TBC1D31: variants seen among roughly 807,000 people sequenced by gnomAD.
TBC1D31 encodes the protein WD repeat domain 67.
TBC1D31 carries 99 observed loss-of-function variants against 132.9 expected under a neutral mutation model. The observed-to-expected ratio is 0.74, with a 90% CI of 0.63 to 0.88. The LOEUF (loss-of-function observed/expected upper bound fraction) is 0.88, where lower values mean the gene tolerates loss of function less well. Ranked by LOEUF, TBC1D31 falls within the 40% of genes least tolerant of loss-of-function variation. The probability of loss-of-function intolerance (pLI) is 0.00; values close to 1 mark genes in which losing one functional copy is unlikely to be tolerated. For synonymous variants in TBC1D31, 385 were observed against 419.4 expected (o/e 0.92, Z 1.00); for missense variants, 1,134 against 1,256.6 (o/e 0.90, Z 1.48).
At chr8:123,099,285 AAT>A (rs2130327753) in intron 6 of TBC1D31, among the ~76,000 whole-genome samples, 1 of 151,876 alleles carries the variant, frequency 6.6e-6, no homozygotes, top group East Asian at 1.9e-4. Flanking sequence ...ACGCCCGGCT[AAT>A]TTTTTGTATT....
At chr8:123,115,128 A>G (rs1028073740) in intron 10 of TBC1D31, among the ~76,000 whole-genome samples, 2 of 152,124 alleles carry the variant, frequency 1.3e-5, no homozygotes, top group African/African-American at 2.4e-5. Flanking sequence ...CAAATCATTC[A>G]TTTTTTCTTT....
chr8:123,089,503 GC>G (rs1816127285), intron 4 of TBC1D31, among the ~76,000 whole-genome samples: 2 of 152,164 alleles, frequency 1.3e-5, no homozygotes, highest in Admixed American at 1.3e-4. Flanking sequence ...GATTGCTTGA[GC>G]CCAGGAGTTT....
chr8:123,153,796 T>A (rs1012148861), downstream of TBC1D31, among the ~76,000 whole-genome samples: 2 of 152,220 alleles, frequency 1.3e-5, no homozygotes, highest in Non-Finnish European at 2.9e-5. Context: ...TCTCCATTAC[T>A]CCCTTGAGTT....
the TBC1D31 span, among the ~76,000 whole-genome samples, chr8:123,162,399 C>A: frequency 2.0e-5 from 3 of 152,040 alleles, no homozygotes; most frequent in Non-Finnish European, 4.4e-5. Flanking sequence ...AGAGTGATTC[C>A]TTTTCCCTTG....
chr8:123,107,766 A>G (rs1009380865), intron 8 of TBC1D31, among the ~76,000 whole-genome samples: 5 of 152,204 alleles, frequency 3.3e-5, no homozygotes, highest in African/African-American at 4.8e-5. Flanking sequence ...GCTGCTTCCA[A>G]GGAAACCATA....
the TBC1D31 span, among the ~76,000 whole-genome samples, chr8:123,160,615 T>C: frequency 6.6e-6 from 1 of 152,112 alleles, no homozygotes; most frequent in African/African-American, 2.4e-5. Context: ...CAGGGGACGC[T>C]GTGCCCAGGG....
intron 19 of TBC1D31, among the ~76,000 whole-genome samples, chr8:123,144,391 T>C (rs575278231): frequency 2.0e-5 from 3 of 152,350 alleles, no homozygotes; most frequent in Non-Finnish European, 2.9e-5. Flanking sequence ...CAATTGCCAC[T>C]AATTCAAAAC....
In TBC1D31 at chr8:123,090,655, G is replaced by A. The variant is rs149437657; in HGVS notation, c.520-2936G>A. Among the ~76,000 whole-genome samples, 459 of 152,216 alleles carry A rather than the reference G, an allele frequency of 3.0e-3. 3 individuals are homozygous for A. Among genetic ancestry groups the A allele is most frequent in the African/African-American group, 0.011 (450 of 41,556 alleles). ...ACTCTTTAAACCTTGAAAAAGGGCT[G>A]GGCACTGTGGCTCACACCTGTAATC... On this transcript the variant is annotated intron_variant, in intron 4 of 21. Coordinates refer to ENST00000287380, the MANE Select transcript of TBC1D31 (RefSeq NM_145647.4).
rs191289246 is a variant in TBC1D31 at position 123,077,828 on chromosome 8, C to T, written c.224+571C>T. ...ATTTGGGAGGCCAAGGCGGGCGGAT[C>T]GCTTGAGGTCAGGAGTTCGAGACCA... On this transcript the variant is annotated intron_variant, in intron 2 of 21. Coordinates refer to ENST00000287380, the MANE Select transcript of TBC1D31 (RefSeq NM_145647.4). Among the ~76,000 whole-genome samples the T allele has an allele frequency of 5.9e-5, 9 of 152,218 alleles. No homozygotes were observed. In the East Asian group the frequency reaches 9.6e-4, roughly 16 times the overall value.
At chr8:123,073,173 A>G (rs1814089562) in intron 1 of TBC1D31, 1 of 483,860 alleles carries the variant, frequency 2.1e-6, no homozygotes, top group African/African-American at 1.9e-5. Context: ...CCTGGCACGT[A>G]GTAGGTGCTC....
chr8:123,105,175 T>A, intron 7 of TBC1D31, 113 bp from the exon 8 acceptor site: 5 of 735,038 alleles, frequency 6.8e-6, no homozygotes, highest in Non-Finnish European at 9.5e-6. Context: ...GCCTGAAGAA[T>A]AATTCTACAT....
At chr8:123,139,029 A>G (rs962026663) in intron 17 of TBC1D31, among the ~76,000 whole-genome samples, 1 of 151,890 alleles carries the variant, frequency 6.6e-6, no homozygotes, top group African/African-American at 2.4e-5. Context: ...GCTGGTTTCA[A>G]ACTCCTGGGC....
chr8:123,087,681 A>G (rs1160809747), intron 4 of TBC1D31, among the ~76,000 whole-genome samples: 2 of 152,244 alleles, frequency 1.3e-5, no homozygotes, highest in Non-Finnish European at 2.9e-5. Context: ...TCTTTTTACT[A>G]TGAAATTAAA....
rs768315399 is a variant in TBC1D31 at position 123,151,809 on chromosome 8, C to T, written c.3071C>T (p.Ser1024Phe). 2 of 1,552,782 alleles carry T rather than the reference C, an allele frequency of 1.3e-6. No homozygotes were observed. The highest frequency in any genetic ancestry group is 1.7e-6 in the Non-Finnish European group (2 of 1,161,634). ...SSEMDPSTQI[S>F]LNRRAVEWDT... ...AATTTTAAATTTCGTTTTCAAGTTT[C>T]TTTAAATAGAAGAGCAGTAGAATGG... Residue 1024 changes from serine to phenylalanine, a missense_variant, in exon 22 of 22, where the codon TCT becomes TTT. By Grantham distance (155) the Ser-to-Phe change is radical. Transcript: ENST00000287380.
chr8:123,157,719 G>GCACACACACACACACA, the TBC1D31 span, among the ~76,000 whole-genome samples: 69 of 148,030 alleles, frequency 4.7e-4, no homozygotes, highest in African/African-American at 1.3e-3. Context: ...GCGCGCGCGC[G>GCACACACACACACACA]CACACACACA....
At chr8:123,105,550 CTT>C (rs1056060254) in intron 8 of TBC1D31, 86 bp downstream of exon 8, 9 of 1,109,282 alleles carry the variant, frequency 8.1e-6, no homozygotes, top group Middle Eastern at 2.3e-4. Flanking sequence ...TCTTCTCTCT[CTT>C]GGGAATTAAA....
chr8:123,159,905 A>G, the TBC1D31 span, among the ~76,000 whole-genome samples: 1 of 152,240 alleles, frequency 6.6e-6, no homozygotes, highest in African/African-American at 2.4e-5. Context: ...TTTATTTTCT[A>G]AACAGTTTTA....
At chr8:123,096,668 A>T (rs762439441) in intron 5 of TBC1D31, among the ~76,000 whole-genome samples, 5 of 152,246 alleles carry the variant, frequency 3.3e-5, no homozygotes, top group Non-Finnish European at 5.9e-5. Flanking sequence ...TTCTGGGACC[A>T]TACCTGGCTT....
chr8:123,096,974 C>T (rs1249669795), intron 5 of TBC1D31, among the ~76,000 whole-genome samples: 1 of 152,030 alleles, frequency 6.6e-6, no homozygotes, highest in African/African-American at 2.4e-5. Context: ...TGTGAAAAAC[C>T]CACAATCAGG....
Sources: allele counts gnomAD v4.1 joint callset (sites outside exome capture counted in the v4.1 genomes callset), GRCh38; gene constraint gnomAD v4.1.1; transcripts MANE v1.5; gene names NCBI Gene and HGNC (gene_info 2026-07-23, HGNC 2026-07-21).